ADGRL3: variants seen among roughly 807,000 people sequenced by gnomAD.
The protein encoded by ADGRL3 is calcium-independent alpha-latrotoxin receptor 3.
ADGRL3 carries 62 observed loss-of-function variants against 153.5 expected under a neutral mutation model. The ratio of observed to expected loss-of-function variants is 0.40; its 90% CI spans 0.33 to 0.50. The LOEUF is 0.50. Among genes scored for constraint, ADGRL3 ranks in the 20% least tolerant of loss-of-function variants. The pLI is 0.47. For synonymous variants in ADGRL3, 710 were observed against 672.5 expected (o/e 1.06, Z -0.86); for missense variants, 1,641 against 1,859.4 (o/e 0.88, Z 2.16).
At chr4:61,497,495 T>C (rs1404975266) in intron 3 of ADGRL3, 147 bp downstream of exon 3, 1 of 513,010 alleles carries the variant, frequency 1.9e-6, no homozygotes, top group African/African-American at 2.1e-5. Context: ...AAGAACATAA[T>C]GTGTATTTCC....
intron 1 of ADGRL3, among the ~76,000 whole-genome samples, chr4:61,372,555 A>T (rs1387289523): frequency 2.0e-5 from 3 of 152,204 alleles, no homozygotes; most frequent in African/African-American, 7.2e-5. Context: ...GTCAGGGGTC[A>T]GCGATCCACT....
At chr4:61,922,317 A>T (rs2098773637) in intron 13 of ADGRL3, among the ~76,000 whole-genome samples, 1 of 152,170 alleles carries the variant, frequency 6.6e-6, no homozygotes. Context: ...AAACTAATAG[A>T]TATTATTTTT....
chr4:61,808,804 T>G (rs2097578129), intron 8 of ADGRL3, among the ~76,000 whole-genome samples: 1 of 151,910 alleles, frequency 6.6e-6, no homozygotes, highest in East Asian at 1.9e-4. Context: ...TTTTTTTTTT[T>G]TTTAAGGATC....
intron 2 of ADGRL3, among the ~76,000 whole-genome samples, chr4:61,450,628 A>C (rs1212162455): frequency 1.3e-5 from 2 of 152,126 alleles, no homozygotes; most frequent in African/African-American, 4.8e-5. Flanking sequence ...TTTTAAATGC[A>C]GTTGCTTATT....
At chr4:61,800,121 A>C (rs973482894) in intron 8 of ADGRL3, among the ~76,000 whole-genome samples, 1 of 152,212 alleles carries the variant, frequency 6.6e-6, no homozygotes, top group Non-Finnish European at 1.5e-5. Context: ...AAGTTAGTGA[A>C]ATTTACTTGG....
chr4:61,665,135 G>A (rs2094742196), intron 5 of ADGRL3, among the ~76,000 whole-genome samples: 1 of 151,542 alleles, frequency 6.6e-6, no homozygotes, highest in Non-Finnish European at 1.5e-5. Context: ...GAACTGCCGG[G>A]CGCGGTGGCT....
chr4:61,519,378 G>A (rs2098516597), intron 4 of ADGRL3, among the ~76,000 whole-genome samples: 1 of 151,354 alleles, frequency 6.6e-6, no homozygotes, highest in Non-Finnish European at 1.5e-5. Flanking sequence ...TTTGGACAGA[G>A]ATGAAAACGA....
At chr4:61,372,036 T>C (rs2096537912) in intron 1 of ADGRL3, among the ~76,000 whole-genome samples, 1 of 152,212 alleles carries the variant, frequency 6.6e-6, no homozygotes, top group African/African-American at 2.4e-5. Flanking sequence ...TCCTGAGGCT[T>C]CTGCATTCTT....
chr4:62,000,936 C>T (rs1211332080), intron 21 of ADGRL3, among the ~76,000 whole-genome samples: 1 of 151,890 alleles, frequency 6.6e-6, no homozygotes, highest in Non-Finnish European at 1.5e-5. Flanking sequence ...CATGCACCAT[C>T]ACACCTGGCT....
At chr4:61,351,703 T>G (rs2096055230) in intron 1 of ADGRL3, among the ~76,000 whole-genome samples, 1 of 151,952 alleles carries the variant, frequency 6.6e-6, no homozygotes, top group Admixed American at 6.6e-5. Flanking sequence ...GCACATCTGT[T>G]TACTGAGTAT....
chr4:61,353,980 A>G (rs1200909978), intron 1 of ADGRL3, among the ~76,000 whole-genome samples: 2 of 152,126 alleles, frequency 1.3e-5, no homozygotes, highest in African/African-American at 2.4e-5. Flanking sequence ...TGTGTACCCT[A>G]TAGCCAGCAG....
chr4:62,064,783 T>G (rs922970359), intron 25 of ADGRL3, among the ~76,000 whole-genome samples: 1 of 152,038 alleles, frequency 6.6e-6, no homozygotes, highest in African/African-American at 2.4e-5. Context: ...AAGGCCATTG[T>G]GTGTCTAAAA....
intron 3 of ADGRL3, among the ~76,000 whole-genome samples, chr4:61,509,519 T>G (rs2098451385): frequency 6.6e-6 from 1 of 152,158 alleles, no homozygotes; most frequent in Admixed American, 6.5e-5. Flanking sequence ...CCTGTGTTAA[T>G]TCACTTAGGA....
rs1449873410 is a variant in ADGRL3 at position 61,536,474 on chromosome 4, G to A, written c.259+18956G>A. On this transcript the variant is annotated intron_variant, in intron 4 of 26. Coordinates refer to ENST00000683033, the MANE Select transcript of ADGRL3 (RefSeq NM_001387552.1). ...ATAATCTATCTACTGCTCTCAGTGC[G>A]GTGTTGAAGTTCCTCACTATTATTG... 4.6e-5 allele frequency among the ~76,000 whole-genome samples: 7 copies of A among 152,070 alleles called. No individual in the cohort carries two copies. The South Asian group carries it at 6.2e-4, about 14-fold the overall frequency.
chr4:62,002,915 C>T lies in ADGRL3; in HGVS notation c.3395+4650C>T, dbSNP rs367848309. Among the ~76,000 whole-genome samples the T allele has an allele frequency of 2.6e-4, 39 of 152,226 alleles. No homozygotes were observed. The South Asian group carries it at 8.1e-3, about 32-fold the overall frequency. ...ATTAACTTACAGTATGGCTGAAGTACTATGACATGTGAAACATTTGTAAGG... is the reference window on the plus strand; with the variant it reads ...ATTAACTTACAGTATGGCTGAAGTATTATGACATGTGAAACATTTGTAAGG... On this transcript the variant is annotated intron_variant, in intron 21 of 26. Coordinates refer to ENST00000683033, the MANE Select transcript of ADGRL3 (RefSeq NM_001387552.1).
chr4:61,338,421 G>T (rs1045061178), intron 1 of ADGRL3, among the ~76,000 whole-genome samples: 1 of 151,650 alleles, frequency 6.6e-6, no homozygotes, highest in Non-Finnish European at 1.5e-5. Context: ...GTGTGTGAAA[G>T]AGAGAGAGAG....
At chr4:61,303,881 G>A (rs909838752) in intron 1 of ADGRL3, among the ~76,000 whole-genome samples, 1 of 152,122 alleles carries the variant, frequency 6.6e-6, no homozygotes, top group Non-Finnish European at 1.5e-5. Context: ...GAAAAATGAA[G>A]CTGTATTAAA....
chr4:61,926,117 A>G (rs2098793298), intron 13 of ADGRL3, among the ~76,000 whole-genome samples: 1 of 152,180 alleles, frequency 6.6e-6, no homozygotes, highest in African/African-American at 2.4e-5. Flanking sequence ...TTGTGTATCT[A>G]AACATAGAAA....
chr4:61,769,103 G>A (rs1343630797), intron 8 of ADGRL3, among the ~76,000 whole-genome samples: 3 of 152,040 alleles, frequency 2.0e-5, no homozygotes, highest in Non-Finnish European at 2.9e-5. Context: ...AAGGGTGAAG[G>A]ACCAAGGCAG....
Sources: gnomAD v4.1 joint callset for allele counts (sites outside exome capture counted in the v4.1 genomes callset) on GRCh38, gnomAD v4.1.1 for gene constraint, MANE v1.5 for transcripts, NCBI Gene and HGNC (gene_info 2026-07-23, HGNC 2026-07-21) for gene names.